TIMM9: variants seen among roughly 807,000 people sequenced by gnomAD.
The protein encoded by TIMM9 is translocase of inner mitochondrial membrane 9, also known as mitochondrial import inner membrane translocase subunit Tim9.
Under a neutral mutation model 13.4 loss-of-function variants are expected in TIMM9, and 10 were observed. That is an observed-to-expected ratio of 0.75 (90% CI 0.46 to 1.26). TIMM9 has a LOEUF of 1.26. Among genes scored for constraint, TIMM9 ranks in the 50% most tolerant of loss-of-function variants. The pLI, the probability that TIMM9 is intolerant of heterozygous loss-of-function variation, is 0.00. For missense variants in TIMM9, 87 were observed against 100.8 expected (o/e 0.86, Z 0.58); for synonymous variants, 32 against 32.1 (o/e 1.00, Z 0.01).
At chr14:58,425,558 A>AG (rs2036716284) in intron 2 of TIMM9, among the ~76,000 whole-genome samples, 1 of 152,018 alleles carries the variant, frequency 6.6e-6, no homozygotes, top group African/African-American at 2.4e-5. Flanking sequence ...AAAAAAAAAA[A>AG]AGAGGGAAAG....
At chr14:58,420,296 T>G (rs966066978) in intron 3 of TIMM9, among the ~76,000 whole-genome samples, 3 of 152,144 alleles carry the variant, frequency 2.0e-5, no homozygotes, top group African/African-American at 7.2e-5. Flanking sequence ...GAGGAAATAT[T>G]TGCAAACTAC....
At position 58,427,400 on chromosome 14, in the gene TIMM9, A is replaced by C. The variant is rs1050495895; in HGVS notation, c.-312T>G. On this transcript the variant is annotated 5_prime_UTR_variant, in exon 1 of 6. Coordinates refer to ENST00000395159, the MANE Select transcript of TIMM9 (RefSeq NM_012460.4). ...TTGGAAGCCTAATTTACCTAATCCC[A>C]CGTCCCTAACGGTCTTCGGAAGCGA... The C allele has an allele frequency of 6.7e-5, 35 of 525,852 alleles. No individual in the cohort carries two copies. The highest frequency in any genetic ancestry group is 1.3e-4 in the Admixed American group (4 of 30,282). The allele number at this position is 525,852 out of a possible 1,614,324, so 32.6% of individuals were successfully genotyped here. A position where few individuals can be genotyped will look rare whatever the true frequency, so the allele number is the denominator to read the frequency against.
At chr14:58,424,881 T>C (rs2036689149) in intron 2 of TIMM9, among the ~76,000 whole-genome samples, 2 of 151,764 alleles carry the variant, frequency 1.3e-5, no homozygotes, top group Non-Finnish European at 2.9e-5. Context: ...AAAAAACGTA[T>C]AAGCTAAGTC....
At chr14:58,421,545 G>A (rs2036588670) in intron 3 of TIMM9, among the ~76,000 whole-genome samples, 1 of 152,068 alleles carries the variant, frequency 6.6e-6, no homozygotes, top group African/African-American at 2.4e-5. Flanking sequence ...TGTTGGAAGT[G>A]TATTTCAATC....
chr14:58,408,630 T>G lies in TIMM9; in HGVS notation c.*404A>C. 1.4e-5 allele frequency: 22 copies of G among 1,528,828 alleles called. No individual in the cohort carries two copies. The highest frequency in any genetic ancestry group is 1.9e-5 in the Non-Finnish European group (21 of 1,113,032). 94.7% of individuals were successfully genotyped at this position (1,528,828 alleles called of 1,614,324 possible). On this transcript the variant is annotated 3_prime_UTR_variant, in exon 6 of 6. Transcript: ENST00000395159. ...GTCCAGTGAGAATACTATGGTACCA[T>G]ACAGTATAAACAACTGCTCAGTGAT...
intron 3 of TIMM9, among the ~76,000 whole-genome samples, chr14:58,415,710 G>A (rs1254434237): frequency 6.6e-6 from 1 of 152,114 alleles, no homozygotes; most frequent in Non-Finnish European, 1.5e-5. Flanking sequence ...AGGACTTGTA[G>A]AAGTATAAAA....
In TIMM9 at chr14:58,409,005, T is replaced by C; in HGVS notation, c.*29A>G. 6.3e-7 allele frequency: 1 copy of C among 1,592,724 alleles called. No individual in the cohort carries two copies. The highest frequency in any genetic ancestry group is 8.5e-7 in the Non-Finnish European group (1 of 1,174,628). ...CAATAAAGCAGCTGTTGGCAATCTT[T>C]CATCAAAAGTTCATCCATCAGGACT... On this transcript the variant is annotated 3_prime_UTR_variant, in exon 6 of 6. Coordinates refer to ENST00000395159, the MANE Select transcript of TIMM9 (RefSeq NM_012460.4).
intron 4 of TIMM9, among the ~76,000 whole-genome samples, chr14:58,411,431 A>G (rs1432146991): frequency 4.6e-5 from 7 of 151,696 alleles, no homozygotes; most frequent in South Asian, 2.1e-4. Flanking sequence ...CTGGCCGACA[A>G]AGAGAGACTG....
intron 3 of TIMM9, among the ~76,000 whole-genome samples, chr14:58,420,174 A>G (rs894878513): frequency 6.6e-5 from 10 of 152,290 alleles, no homozygotes; most frequent in South Asian, 2.1e-4. Flanking sequence ...CAAAAACACT[A>G]TAAGAGGAAA....
intron 3 of TIMM9, among the ~76,000 whole-genome samples, chr14:58,415,964 C>CTAGCACTTTGGGAGGCCAAAGCGGGTGGG (rs1214966002): frequency 6.6e-6 from 1 of 151,798 alleles, no homozygotes; most frequent in Non-Finnish European, 1.5e-5. Flanking sequence ...GTCTATAATC[C>CTAGCACTTTGGGAGGCCAAAGCGGGTGGG]TAGCACTTTG....
At chr14:58,409,254 A>G (rs1189188854) in intron 5 of TIMM9, 86 bp from the exon 6 acceptor site, 4 of 1,495,474 alleles carry the variant, frequency 2.7e-6, no homozygotes, top group East Asian at 4.6e-5. Flanking sequence ...TCAGTGGGGT[A>G]GTTTGCTTTT....
At chr14:58,412,517 C>T (rs2036253901) in intron 3 of TIMM9, among the ~76,000 whole-genome samples, 2 of 152,128 alleles carry the variant, frequency 1.3e-5, no homozygotes, top group Non-Finnish European at 1.5e-5. Context: ...AGATAGTTTG[C>T]TCTGCTACCT....
intron 3 of TIMM9, among the ~76,000 whole-genome samples, chr14:58,417,137 CTT>C (rs1566750906): frequency 1.3e-5 from 2 of 152,144 alleles, no homozygotes; most frequent in East Asian, 3.9e-4. Flanking sequence ...TAAGATGTGA[CTT>C]GCTCCTCCTT....
chr14:58,413,382 A>G (rs2036283478), intron 3 of TIMM9, among the ~76,000 whole-genome samples: 1 of 152,252 alleles, frequency 6.6e-6, no homozygotes, highest in South Asian at 2.1e-4. Flanking sequence ...CAGTTAACAA[A>G]CACCATTTGC....
chr14:58,421,427 T>C (rs2036585555), intron 3 of TIMM9, among the ~76,000 whole-genome samples: 1 of 152,184 alleles, frequency 6.6e-6, no homozygotes, highest in East Asian at 1.9e-4. Flanking sequence ...TGTATCTTGA[T>C]TGTATCAATA....
At chr14:58,425,888 G>C (rs2036744641) in intron 2 of TIMM9, among the ~76,000 whole-genome samples, 1 of 152,106 alleles carries the variant, frequency 6.6e-6, no homozygotes, top group Non-Finnish European at 1.5e-5. Flanking sequence ...GTAGGCCGAG[G>C]CGGGTGAATC....
intron 3 of TIMM9, among the ~76,000 whole-genome samples, chr14:58,415,092 G>A (rs1259206188): frequency 2.0e-5 from 3 of 152,168 alleles, no homozygotes; most frequent in Non-Finnish European, 4.4e-5. Context: ...GCCTGGTGAG[G>A]AGCCAGAATG....
At chr14:58,424,588 G>GT (rs1449544133) in intron 2 of TIMM9, among the ~76,000 whole-genome samples, 1 of 152,152 alleles carries the variant, frequency 6.6e-6, no homozygotes, top group Admixed American at 6.6e-5. Context: ...TATAAGCTAA[G>GT]TGACTGACCA....
chr14:58,410,942 C>A lies in TIMM9; in HGVS notation c.40-4G>T. Reference sequence around the variant, plus strand: ...AGGTCCCCAGAAATTCCTTAAACTACAAACAAACCAGAATGTTCTTTAGTA... The same window carrying A: ...AGGTCCCCAGAAATTCCTTAAACTAAAAACAAACCAGAATGTTCTTTAGTA... On this transcript the variant is annotated splice_polypyrimidine_tract_variant and splice_region_variant and intron_variant, in intron 4 of 5. Coordinates refer to ENST00000395159, the MANE Select transcript of TIMM9 (RefSeq NM_012460.4). 1 of 1,597,972 alleles carries A rather than the reference C, an allele frequency of 6.3e-7. No homozygotes were observed. Among genetic ancestry groups the A allele is most frequent in the Non-Finnish European group, 8.5e-7 (1 of 1,170,884 alleles).
Sources: gnomAD v4.1 joint callset for allele counts (sites outside exome capture counted in the v4.1 genomes callset) on GRCh38, gnomAD v4.1.1 for gene constraint, MANE v1.5 for transcripts, NCBI Gene and HGNC (gene_info 2026-07-23, HGNC 2026-07-21) for gene names.